Variants in RIPK1 observed in about 807,000 individuals in gnomAD.
RIPK1 encodes the protein receptor-interacting serine/threonine-protein kinase 1.
In RIPK1, 27 loss-of-function variants were observed where a neutral mutation model predicts 62.4. That is an observed-to-expected ratio of 0.43 (90% CI 0.32 to 0.60). The LOEUF (loss-of-function observed/expected upper bound fraction) is 0.60, where lower values mean the gene tolerates loss of function less well. Ranked by LOEUF, RIPK1 falls within the 20% of genes least tolerant of loss-of-function variation. The pLI, the probability that RIPK1 is intolerant of heterozygous loss-of-function variation, is 0.07. For missense variants in RIPK1, 735 were observed against 831.0 expected, an observed-to-expected ratio of 0.88 and a Z score of 1.42; for synonymous variants, 287 against 303.2, an observed-to-expected ratio of 0.95 and a Z score of 0.55.
Position 3,107,275 on chromosome 6 carries a change from G to A in RIPK1, c.1576+1224G>A, listed in dbSNP as rs547381945. 2.4e-3 allele frequency among the ~76,000 whole-genome samples: 360 copies of A among 148,818 alleles called. 1 individual carries two copies. Among genetic ancestry groups the A allele is most frequent in the African/African-American group, 8.8e-3 (354 of 40,126 alleles). Reference sequence around the variant, plus strand: ...TCGAAAAAAAAAAAAAAATTCCACTGGCTGGGCACAGTGGCTCACGCCTGT... The same window carrying A: ...TCGAAAAAAAAAAAAAAATTCCACTAGCTGGGCACAGTGGCTCACGCCTGT... On this transcript the variant is annotated intron_variant, in intron 9 of 10. Transcript: ENST00000259808.
chr6:3,104,290 A>T lies in RIPK1; in HGVS notation c.981A>T (p.Ala327=), dbSNP rs1760721737. 6.3e-7 allele frequency: 1 copy of T among 1,597,354 alleles called. No homozygotes were observed. The highest frequency in any genetic ancestry group is 8.6e-7 in the Non-Finnish European group (1 of 1,165,958). The change falls in exon 8 of 11, where the codon GCA becomes GCT. Residue 327 remains alanine, a synonymous_variant. Transcript: ENST00000259808. The part of the protein sequence containing the change: ...RMQSLQLDCV[A]VPSSRSNSAT... ...AGTCTCTTCAACTTGATTGTGTGGC[A>T]GTACCTTCAAGCCGGTCAAATTCAG...
At chr6:3,086,316 A>G (rs954105200) in intron 6 of RIPK1, among the ~76,000 whole-genome samples, 3 of 152,234 alleles carry the variant, frequency 2.0e-5, no homozygotes, top group Non-Finnish European at 4.4e-5. Context: ...CCAGGGGTAC[A>G]ATAGCTAGGT....
At chr6:3,076,150 T>A (rs1387361700) in intron 1 of RIPK1, among the ~76,000 whole-genome samples, 3 of 152,186 alleles carry the variant, frequency 2.0e-5, no homozygotes, top group African/African-American at 7.2e-5. Context: ...CAATGAATGT[T>A]TGTATTATGT....
rs1349730912 is a variant in RIPK1 at position 3,081,869 on chromosome 6, A to T, written c.459+753A>T. On this transcript the variant is annotated intron_variant, in intron 4 of 10. Transcript: ENST00000259808. ...GAGCGAAACTCTGCCTTAAAAAAAA[A>T]AAAAAAAAAAAAAAAAAAAAAAAAA... 9.9e-3 allele frequency among the ~76,000 whole-genome samples: 58 copies of T among 5,852 alleles called. 1 individual carries two copies. Among genetic ancestry groups the T allele is most frequent in the Middle Eastern group, 0.12 (1 of 8 alleles). 3.8% of individuals were successfully genotyped at this position (5,852 alleles called of 152,430 possible).
chr6:3,114,482 C>T lies in RIPK1; in HGVS notation c.*1143C>T, dbSNP rs1184204100. The T allele has an allele frequency of 6.6e-6, 1 of 151,976 alleles. No homozygotes were observed. Among genetic ancestry groups the T allele is most frequent in the Non-Finnish European group, 1.5e-5 (1 of 68,052 alleles). 9.4% of individuals were successfully genotyped at this position (151,976 alleles called of 1,614,324 possible). ...GAAGACTGAAGCTGGGTAGGCCGCT[C>T]AGTGTCCACTGGCATTTTGCTAAAC... On this transcript the variant is annotated 3_prime_UTR_variant, in exon 11 of 11. Transcript: ENST00000259808. This position sits in a 1 kb window ranked among gnomAD's most constrained non-coding sequence, Gnocchi z 5.0.
chr6:3,076,699 CATATATAT>C lies in RIPK1; in HGVS notation c.-60-45_-60-38del, dbSNP rs10526418. Reference sequence around the variant, plus strand: ...TGTCTCCAAAGGAGAAAAAAAAAAACATATATATATATATATATATATATATAGTCTTG... The same window carrying C: ...TGTCTCCAAAGGAGAAAAAAAAAAACATATATATATATATATATAGTCTTG... On this transcript the variant is annotated intron_variant, in intron 1 of 10. Transcript: ENST00000259808. 17 of 217,778 alleles carry C rather than the reference CATATATAT, an allele frequency of 7.8e-5. 1 individual carries two copies. Among genetic ancestry groups the C allele is most frequent in the East Asian group, 7.5e-4 (4 of 5,326 alleles). 13.5% of individuals were successfully genotyped at this position (217,778 alleles called of 1,614,324 possible).
rs146405952 is a variant in RIPK1, at chr6:3,069,712, T to G, written c.-61+1051T>G. Among the ~76,000 whole-genome samples the G allele has an allele frequency of 1.3e-3, 196 of 152,290 alleles. 3 individuals carry two copies. Among genetic ancestry groups the G allele is most frequent in the African/African-American group, 4.6e-3 (190 of 41,558 alleles). ...CTGAGTCAAGAGGAAATTGTCTTGTTAGAAATGTGGAATACTGCGTCGGGC... is the reference window on the plus strand; with the variant it reads ...CTGAGTCAAGAGGAAATTGTCTTGTGAGAAATGTGGAATACTGCGTCGGGC... On this transcript the variant is annotated intron_variant, in intron 1 of 10. Transcript: ENST00000259808.
rs1282075266 is a variant in RIPK1 at position 3,077,082 on chromosome 6, G to C, written c.164+95G>C. 6 of 1,236,474 alleles carry C rather than the reference G, an allele frequency of 4.9e-6. No individual in the cohort carries two copies. In the African/African-American group the frequency reaches 7.6e-5, roughly 16 times the overall value. The allele number at this position is 1,236,474 out of a possible 1,614,324, so 76.6% of individuals were successfully genotyped here. ...TTGGCTGCTGCGGAGCCGTTGGTGG[G>C]TAGAGTGAGAGGGAGCCTGCCAAGA... On this transcript the variant is annotated intron_variant, in intron 2 of 10. Transcript: ENST00000259808.
At chr6:3,103,392 C>T (rs1760683736) in intron 7 of RIPK1, among the ~76,000 whole-genome samples, 1 of 151,700 alleles carries the variant, frequency 6.6e-6, no homozygotes, top group African/African-American at 2.4e-5. Context: ...CCTCTGCCTC[C>T]CAGGTTCAAG....
At chr6:3,076,695 A>C (rs1759065358) in intron 1 of RIPK1, 69 bp from the exon 2 acceptor site, 3 of 22,460 alleles carry the variant, frequency 1.3e-4, no homozygotes, top group Non-Finnish European at 2.8e-4. Flanking sequence ...GAGAAAAAAA[A>C]AAACATATAT....
chr6:3,074,922 C>T (rs369255884), intron 1 of RIPK1, among the ~76,000 whole-genome samples: 189 of 152,246 alleles, frequency 1.2e-3, no homozygotes, highest in African/African-American at 4.2e-3. Flanking sequence ...CCTCGTGATC[C>T]GCCCGCCTCA....
chr6:3,104,575 G>T (rs1020204148), intron 8 of RIPK1, among the ~76,000 whole-genome samples: 6 of 152,184 alleles, frequency 3.9e-5, no homozygotes, highest in Non-Finnish European at 8.8e-5. Flanking sequence ...CAGTTCAGAA[G>T]AAGGAAGGGG....
Position 3,072,394 on chromosome 6 carries a change from T to C in RIPK1, c.-61+3733T>C, listed in dbSNP as rs1271352691. Among the ~76,000 whole-genome samples, 1 of 66,038 alleles carries C rather than the reference T, an allele frequency of 1.5e-5. No homozygotes were observed. The highest frequency in any genetic ancestry group is 5.4e-5 in the Non-Finnish European group (1 of 18,540). 43.3% of individuals were successfully genotyped at this position (66,038 alleles called of 152,430 possible). A position where few individuals can be genotyped will look rare whatever the true frequency, so the allele number is the denominator to read the frequency against. ...ACTTATATCTTTATCTATTTACATA[T>C]ATATATATATAAAACACACACAAAT... On this transcript the variant is annotated intron_variant, in intron 1 of 10. Coordinates refer to ENST00000259808, the MANE Select transcript of RIPK1 (RefSeq NM_001354930.2). This position sits in a 1 kb window ranked among gnomAD's most constrained non-coding sequence, Gnocchi z 5.6.
rs772895143 is a variant in RIPK1, at chr6:3,105,907, C to A, written c.1432C>A (p.Pro478Thr). 8.7e-6 allele frequency: 14 copies of A among 1,614,000 alleles called. No individual in the cohort carries two copies. Among genetic ancestry groups the A allele is most frequent in the Non-Finnish European group, 1.1e-5 (13 of 1,180,006 alleles). Residue 478 changes from proline (P) to threonine (T), a missense_variant, in exon 9 of 11, where the codon CCA (proline) becomes ACA (threonine). Around this residue, in one of 2 missense-constraint regions of RIPK1, gnomAD observed 671 missense variants for 726.2 expected, o/e 0.92. Transcript: ENST00000259808. The surrounding 1 kb of genome is among the most constrained non-coding windows in gnomAD (Gnocchi z 4.5). The stretch of plus-strand genomic sequence containing the variant: ...TAGCTCACATGGCTTTGGAACAAGA[C>A]CACTGGATCCAGGAACAGCAGGTCC... Reference protein sequence around the residue: ...LYSSHGFGTRPLDPGTAGPRV... With the variant: ...LYSSHGFGTRTLDPGTAGPRV...
intron 9 of RIPK1, among the ~76,000 whole-genome samples, chr6:3,110,397 A>AG (rs1367005367): frequency 6.6e-6 from 1 of 151,540 alleles, no homozygotes; most frequent in African/African-American, 2.4e-5. Flanking sequence ...TTAGTAGAGA[A>AG]GGGGTTTCAC....
At chr6:3,068,169 A>G, upstream of RIPK1, 2 of 970,036 alleles carry the variant, frequency 2.1e-6, no homozygotes, top group Non-Finnish European at 2.5e-6. Context: ...CCTCCTCAAC[A>G]GCCCCACTTT....
Position 3,072,006 on chromosome 6 carries a change from T to C in RIPK1, c.-61+3345T>C, listed in dbSNP as rs969428721. 2.6e-5 allele frequency among the ~76,000 whole-genome samples: 4 copies of C among 152,240 alleles called. No homozygotes were observed. Among genetic ancestry groups the C allele is most frequent in the Admixed American group, 1.3e-4 (2 of 15,286 alleles). On this transcript the variant is annotated intron_variant, in intron 1 of 10. Transcript: ENST00000259808. This position sits in a 1 kb window ranked among gnomAD's most constrained non-coding sequence, Gnocchi z 5.6. ...GACCTTTTTTAAATATTATTAAACA[T>C]TCTTTCACAACATCGCTTTTGCAAA... is the stretch of plus-strand genomic sequence containing the variant.
chr6:3,083,515 G>A (rs1759528747), intron 5 of RIPK1, among the ~76,000 whole-genome samples: 1 of 152,108 alleles, frequency 6.6e-6, no homozygotes, highest in Non-Finnish European at 1.5e-5. Context: ...TCCTAGACAG[G>A]AAAGTTGATT....
At chr6:3,099,786 C>G (rs986139017) in intron 7 of RIPK1, among the ~76,000 whole-genome samples, 1 of 152,072 alleles carries the variant, frequency 6.6e-6, no homozygotes, top group Non-Finnish European at 1.5e-5. Context: ...GTAAGAGTGG[C>G]GAAGTTTATT....
Sources: allele counts gnomAD v4.1 joint callset (sites outside exome capture counted in the v4.1 genomes callset), GRCh38; gene constraint gnomAD v4.1.1; regional missense constraint gnomAD v4.1.1; non-coding constraint Gnocchi (gnomAD v3.1); transcripts MANE v1.5; gene names NCBI Gene and HGNC (gene_info 2026-07-23, HGNC 2026-07-21).